Variants in RUNX1 observed in about 807,000 individuals in gnomAD.
RUNX1 encodes the protein RUNX family transcription factor 1.
Under a neutral mutation model 42.8 loss-of-function variants are expected in RUNX1, and 19 were observed. The ratio of observed to expected loss-of-function variants is 0.44; its 90% confidence interval spans 0.31 to 0.65. The LOEUF is 0.65. Among genes scored for constraint, RUNX1 ranks in the 30% least tolerant of loss-of-function variants. The pLI, the probability that RUNX1 is intolerant of heterozygous loss-of-function variation, is 0.07. For missense variants in RUNX1, 528 were observed against 672.0 expected, an observed-to-expected ratio of 0.79 and a Z score of 2.37; for synonymous variants, 271 against 289.4, an observed-to-expected ratio of 0.94 and a Z score of 0.64.
intron 2 of RUNX1, among the ~76,000 whole-genome samples, chr21:35,045,458 A>C (rs1195639443): frequency 6.6e-6 from 1 of 152,226 alleles, no homozygotes; most frequent in Non-Finnish European, 1.5e-5. Flanking sequence ...ATAGGGTTTT[A>C]AAATGACGTC....
chr21:34,891,375 T>G (rs886596553), intron 3 of RUNX1, among the ~76,000 whole-genome samples: 10 of 152,198 alleles, frequency 6.6e-5, no homozygotes, highest in Non-Finnish European at 1.2e-4. Flanking sequence ...GCGCAGGCTG[T>G]TAACTGCGCA....
chr21:34,958,619 A>G (rs931414995), intron 2 of RUNX1, among the ~76,000 whole-genome samples: 6 of 152,238 alleles, frequency 3.9e-5, no homozygotes, highest in Non-Finnish European at 7.3e-5. Flanking sequence ...AAACTAGTTC[A>G]ACCATTGTTG....
At chr21:34,922,951 T>C (rs1220109829) in intron 2 of RUNX1, among the ~76,000 whole-genome samples, 1 of 152,130 alleles carries the variant, frequency 6.6e-6, no homozygotes, top group Non-Finnish European at 1.5e-5. Flanking sequence ...TTCACAACAA[T>C]CCTTAGAGGT....
chr21:34,977,556 C>T (rs184682895), intron 2 of RUNX1, among the ~76,000 whole-genome samples: 396 of 152,288 alleles, frequency 2.6e-3, no homozygotes, highest in South Asian at 6.4e-3. Context: ...CCTGCTTTTG[C>T]GGAGAGAGGG....
At chr21:34,846,545 T>A (rs1399007519) in intron 6 of RUNX1, among the ~76,000 whole-genome samples, 1 of 152,184 alleles carries the variant, frequency 6.6e-6, no homozygotes, top group East Asian at 1.9e-4. Flanking sequence ...TCTTTCTCCT[T>A]CTGTAGATGA....
At chr21:34,940,057 A>T (rs920878644) in intron 2 of RUNX1, among the ~76,000 whole-genome samples, 4 of 152,180 alleles carry the variant, frequency 2.6e-5, no homozygotes, top group African/African-American at 9.7e-5. Flanking sequence ...TTCCGTGTCC[A>T]AACAGATTTT....
At chr21:35,021,584 C>T (rs2059198561) in intron 2 of RUNX1, among the ~76,000 whole-genome samples, 2 of 152,196 alleles carry the variant, frequency 1.3e-5, no homozygotes, top group Admixed American at 1.3e-4. Flanking sequence ...AAATAAACCC[C>T]TGAAATCAAA....
At chr21:34,807,962 T>C (rs1361161489) in intron 7 of RUNX1, among the ~76,000 whole-genome samples, 1 of 152,242 alleles carries the variant, frequency 6.6e-6, no homozygotes, top group Non-Finnish European at 1.5e-5. Flanking sequence ...GTGTTTCCTC[T>C]GGCCTCTGCA....
In RUNX1 at chr21:34,874,610, C is replaced by CAAAAAAAAA. The variant is rs59950735; in HGVS notation, c.508+5938_508+5946dup. ...AGGCAACAAGAGGGAAACTCTGTCT[C>CAAAAAAAAA]AAAAAAAAAAAAAAAAAAAAAAAAA... On this transcript the variant is annotated intron_variant, in intron 5 of 8. Coordinates refer to ENST00000675419, the MANE Select transcript of RUNX1 (RefSeq NM_001754.5). 2.1e-3 allele frequency among the ~76,000 whole-genome samples: 54 copies of CAAAAAAAAA among 25,294 alleles called. 9 individuals carry two copies. The highest frequency in any genetic ancestry group is 5.0e-3 in the African/African-American group (22 of 4,366). The allele number at this position is 25,294 out of a possible 152,430, so 16.6% of individuals were successfully genotyped here.
At chr21:34,899,060 C>T (rs1281479822) in intron 2 of RUNX1, among the ~76,000 whole-genome samples, 3 of 152,144 alleles carry the variant, frequency 2.0e-5, no homozygotes, top group African/African-American at 4.8e-5. Context: ...ATTACTGGCA[C>T]GTGCCACCAT....
intron 5 of RUNX1, among the ~76,000 whole-genome samples, chr21:34,874,631 A>AAAAAAAAAAAAAAAAAAAAC (rs2057788269): frequency 6.8e-6 from 1 of 147,956 alleles, no homozygotes; most frequent in Non-Finnish European, 1.5e-5. Flanking sequence ...AAAAAAAAAA[A>AAAAAAAAAAAAAAAAAAAAC]AAAAGACAGT....
At chr21:34,808,955 A>G (rs972407837) in intron 7 of RUNX1, among the ~76,000 whole-genome samples, 1 of 152,112 alleles carries the variant, frequency 6.6e-6, no homozygotes, top group Admixed American at 6.5e-5. Context: ...AGCTGGAGGG[A>G]CCATAGTTCA....
rs546666381 is a variant in RUNX1, at chr21:35,009,251, C to T, written c.58+39591G>A. Among the ~76,000 whole-genome samples the T allele has an allele frequency of 7.4e-4, 112 of 152,296 alleles. 3 individuals are homozygous for T. In the South Asian group the frequency reaches 0.017, roughly 23 times the overall value. On this transcript the variant is annotated intron_variant, in intron 2 of 8. Coordinates refer to ENST00000675419, the MANE Select transcript of RUNX1 (RefSeq NM_001754.5). Reference sequence around the variant, plus strand: ...GAGGATAAAACTCTCTGCTAGATCACGTGTTCTTTTAGGGGCCCAAATTGG... The same window carrying T: ...GAGGATAAAACTCTCTGCTAGATCATGTGTTCTTTTAGGGGCCCAAATTGG...
intron 7 of RUNX1, among the ~76,000 whole-genome samples, chr21:34,811,932 T>G (rs974393456): frequency 1.3e-5 from 2 of 152,064 alleles, no homozygotes; most frequent in Non-Finnish European, 2.9e-5. Context: ...GGCTTCTCCA[T>G]GCACAGAAAT....
At chr21:34,827,757 A>G (rs2146035774) in intron 7 of RUNX1, among the ~76,000 whole-genome samples, 1 of 152,316 alleles carries the variant, frequency 6.6e-6, no homozygotes, top group East Asian at 1.9e-4. Context: ...TCTGAAGGGC[A>G]CAAGCAGTAT....
intron 2 of RUNX1, among the ~76,000 whole-genome samples, chr21:34,931,418 T>C (rs1419112808): frequency 2.0e-5 from 3 of 146,514 alleles, no homozygotes; most frequent in African/African-American, 7.6e-5. Context: ...ATATATTATA[T>C]ATAAAGCATA....
intron 7 of RUNX1, among the ~76,000 whole-genome samples, chr21:34,818,048 C>G (rs2056854014): frequency 6.6e-6 from 1 of 152,242 alleles, no homozygotes; most frequent in African/African-American, 2.4e-5. Flanking sequence ...AAAGTCCCCT[C>G]TACTTTCTGC....
At chr21:34,969,632 T>C (rs181300561) in intron 2 of RUNX1, among the ~76,000 whole-genome samples, 3 of 152,172 alleles carry the variant, frequency 2.0e-5, no homozygotes, top group Non-Finnish European at 4.4e-5. Flanking sequence ...CTCTCCTGCA[T>C]GCCAGGAACA....
intron 6 of RUNX1, among the ~76,000 whole-genome samples, chr21:34,835,800 C>A (rs2057137453): frequency 6.6e-6 from 1 of 152,188 alleles, no homozygotes; most frequent in Non-Finnish European, 1.5e-5. Context: ...CCATAAAGTG[C>A]TATTTCACAT....
Sources: allele counts gnomAD v4.1 joint callset (sites outside exome capture counted in the v4.1 genomes callset), GRCh38; gene constraint gnomAD v4.1.1; transcripts MANE v1.5; gene names NCBI Gene and HGNC (gene_info 2026-07-23, HGNC 2026-07-21).